Variants in NDRG3 observed in about 807,000 individuals in gnomAD.
NDRG3 encodes the protein protein NDRG3.
A neutral mutation model predicts 57.2 loss-of-function variants in NDRG3; 23 were observed. The observed-to-expected ratio is 0.40, with a 90% confidence interval of 0.29 to 0.57. The LOEUF (loss-of-function observed/expected upper bound fraction) is 0.57. NDRG3 is among the 20% of genes least tolerant of loss of function. The pLI is 0.42. For missense variants in NDRG3, 384 were observed against 457.3 expected (o/e 0.84, Z 1.46); for synonymous variants, 132 against 162.6 (o/e 0.81, Z 1.43).
At chr20:36,695,895 A>G (rs765592565) in intron 3 of NDRG3, among the ~76,000 whole-genome samples, 24 of 152,136 alleles carry the variant, frequency 1.6e-4, no homozygotes, top group Non-Finnish European at 2.9e-5. Flanking sequence ...AAAATCGCTA[A>G]TAAAAACTTG....
chr20:36,661,290 T>C (rs1979181843), intron 12 of NDRG3, among the ~76,000 whole-genome samples: 2 of 152,366 alleles, frequency 1.3e-5, no homozygotes, highest in Admixed American at 6.5e-5. Flanking sequence ...ATGTCTGATA[T>C]CGTGCACCCT....
chr20:36,672,702 G>A (rs537221194), intron 8 of NDRG3, among the ~76,000 whole-genome samples: 10 of 152,024 alleles, frequency 6.6e-5, no homozygotes, highest in South Asian at 2.1e-4. Flanking sequence ...GGTGGTGTGC[G>A]CCTGTAGTCC....
intron 9 of NDRG3, among the ~76,000 whole-genome samples, chr20:36,668,206 C>A (rs1323420783): frequency 6.6e-6 from 1 of 152,188 alleles, no homozygotes; most frequent in Non-Finnish European, 1.5e-5. Flanking sequence ...GGCACCACTG[C>A]ACTCCAGCCA....
At chr20:36,744,454 T>C (rs1047710403) in intron 1 of NDRG3, among the ~76,000 whole-genome samples, 1 of 152,098 alleles carries the variant, frequency 6.6e-6, no homozygotes, top group Non-Finnish European at 1.5e-5. Flanking sequence ...CATCTGGAGC[T>C]GCAAAGATGG....
chr20:36,720,951 T>C (rs1255571457), intron 2 of NDRG3, among the ~76,000 whole-genome samples: 1 of 151,360 alleles, frequency 6.6e-6, no homozygotes, highest in Non-Finnish European at 1.5e-5. Context: ...AATTTTTCTA[T>C]TTATAGTAGA....
chr20:36,707,108 T>C (rs542579836), intron 2 of NDRG3, 101 bp from the exon 3 acceptor site: 1,289 of 1,053,242 alleles, frequency 1.2e-3, no homozygotes, highest in Non-Finnish European at 1.7e-3. Flanking sequence ...GTGCAGCCTC[T>C]TGGTTGCCAT....
At chr20:36,701,284 C>T (rs2148158099) in intron 3 of NDRG3, among the ~76,000 whole-genome samples, 1 of 152,212 alleles carries the variant, frequency 6.6e-6, no homozygotes, top group South Asian at 2.1e-4. Context: ...GGTCTGTAAT[C>T]CTAGCATTCT....
At position 36,653,599 on chromosome 20, in the gene NDRG3, T is replaced by C. The variant is rs941813729; in HGVS notation, c.1049A>G (p.Asn350Ser). 4 of 1,614,210 alleles carry C rather than the reference T, an allele frequency of 2.5e-6. No homozygotes were observed. Among genetic ancestry groups the C allele is most frequent in the Non-Finnish European group, 2.5e-6 (3 of 1,180,036 alleles). Residue 350 changes from asparagine (N) to serine (S), a missense_variant, in exon 16 of 16, where the codon AAT (asparagine) becomes AGT (serine). Asn to Ser is a conservative substitution (Grantham distance 46, BLOSUM62 1). Coordinates refer to ENST00000349004, the MANE Select transcript of NDRG3 (RefSeq NM_032013.4). This position sits in a 1 kb window ranked among gnomAD's most constrained non-coding sequence, Gnocchi z 4.2. ...ESPFSRSVTS[N>S]QSDGTQESCE... ...GGATTCTTGAGTTCCATCTGACTGA[T>C]TGCTGGTGACAGACCGGCTGAAGGG...
rs750969665 is a variant in NDRG3 at position 36,660,351 on chromosome 20, T to C, written c.844A>G (p.Thr282Ala). The change falls in exon 13 of 16, where the codon ACA becomes GCA. Residue 282 changes from threonine to alanine, a missense_variant. Physicochemically the swap from Thr to Ala is moderately conservative, Grantham distance 58 (BLOSUM62 0). Transcript: ENST00000349004. The part of the protein sequence containing the change: ...ECNSRLNPIN[T>A]TLLKMADCGG... ...AGGCACATTACCTTTAGCAAAGTTGTATTTATAGGGTTCAGGCGGGAATTG... is the reference window on the plus strand; with the variant it reads ...AGGCACATTACCTTTAGCAAAGTTGCATTTATAGGGTTCAGGCGGGAATTG... The C allele has an allele frequency of 6.2e-7, 1 of 1,608,626 alleles. No homozygotes were observed. Among genetic ancestry groups the C allele is most frequent in the Non-Finnish European group, 8.5e-7 (1 of 1,176,402 alleles).
At chr20:36,667,222 G>A (rs78241101) in intron 9 of NDRG3, among the ~76,000 whole-genome samples, 3,171 of 151,714 alleles carry the variant, frequency 0.021, 101 homozygotes, top group African/African-American at 0.073. Flanking sequence ...ATTCCATTGC[G>A]TTTATGACAC....
chr20:36,736,033 G>T (rs77525520), intron 1 of NDRG3, among the ~76,000 whole-genome samples: 34 of 151,468 alleles, frequency 2.2e-4, no homozygotes, highest in Admixed American at 2.6e-4. Context: ...ATATAGCTGG[G>T]AAAGAAGACA....
At chr20:36,656,206 G>A (rs1416682035) in intron 15 of NDRG3, among the ~76,000 whole-genome samples, 154 bp downstream of exon 15, 1 of 151,392 alleles carries the variant, frequency 6.6e-6, no homozygotes, top group Non-Finnish European at 1.5e-5. Flanking sequence ...TTACAAATAC[G>A]GACAAATGAA....
intron 2 of NDRG3, among the ~76,000 whole-genome samples, chr20:36,714,414 A>G (rs1034679908): frequency 4.0e-5 from 6 of 150,732 alleles, no homozygotes; most frequent in African/African-American, 1.5e-4. Context: ...CAAAAAAAAA[A>G]AAAAAAATCT....
At chr20:36,711,046 C>T (rs1289916208) in intron 2 of NDRG3, among the ~76,000 whole-genome samples, 3 of 150,184 alleles carry the variant, frequency 2.0e-5, no homozygotes, top group Non-Finnish European at 3.0e-5. Flanking sequence ...TTTGGGAGTC[C>T]GGGGCGGGTG....
intron 8 of NDRG3, among the ~76,000 whole-genome samples, chr20:36,676,458 T>G (rs1980717785): frequency 6.6e-6 from 1 of 152,246 alleles, no homozygotes; most frequent in Admixed American, 6.5e-5. Flanking sequence ...TGTTTGTTTG[T>G]TTTTTGTTTT....
At chr20:36,723,816 C>T (rs757559550) in intron 1 of NDRG3, among the ~76,000 whole-genome samples, 6 of 151,714 alleles carry the variant, frequency 4.0e-5, no homozygotes, top group African/African-American at 1.5e-4. Context: ...AAGCGATTCT[C>T]GTGCCTCAGT....
At chr20:36,701,491 GCTATAAT>G (rs1298013673) in intron 3 of NDRG3, among the ~76,000 whole-genome samples, 1 of 151,524 alleles carries the variant, frequency 6.6e-6, no homozygotes, top group Non-Finnish European at 1.5e-5. Flanking sequence ...GTTACTGTGA[GCTATAAT>G]CACGTCACTG....
chr20:36,656,828 TGAA>T (rs958248445), intron 13 of NDRG3, among the ~76,000 whole-genome samples: 1 of 152,214 alleles, frequency 6.6e-6, no homozygotes, highest in Non-Finnish European at 1.5e-5. Flanking sequence ...GAAAACCACC[TGAA>T]GAAGGTTCCT....
chr20:36,698,970 C>A lies in NDRG3; in HGVS notation c.93+8002G>T, dbSNP rs145455492. On this transcript the variant is annotated intron_variant, in intron 3 of 15. Coordinates refer to ENST00000349004, the MANE Select transcript of NDRG3 (RefSeq NM_032013.4). ...ACACATATATATTTAGAGACAGGATCTCATTCTAGTGCCCAGGCTAGAGTG... is the reference window on the plus strand; with the variant it reads ...ACACATATATATTTAGAGACAGGATATCATTCTAGTGCCCAGGCTAGAGTG... 3.1e-3 allele frequency among the ~76,000 whole-genome samples: 479 copies of A among 152,222 alleles called. 4 individuals carry two copies. The highest frequency in any genetic ancestry group is 0.011 in the African/African-American group (464 of 41,536).
Sources: allele counts gnomAD v4.1 joint callset (sites outside exome capture counted in the v4.1 genomes callset), GRCh38; gene constraint gnomAD v4.1.1; non-coding constraint Gnocchi (gnomAD v3.1); transcripts MANE v1.5; gene names NCBI Gene and HGNC (gene_info 2026-07-23, HGNC 2026-07-21).